NXPH1: variants seen among roughly 807,000 people sequenced by gnomAD.
NXPH1 encodes neurexophilin-1.
In NXPH1, 5 loss-of-function variants were observed where a neutral mutation model predicts 23.7. The ratio of observed to expected loss-of-function variants is 0.21; its 90% CI spans 0.11 to 0.44. The LOEUF (loss-of-function observed/expected upper bound fraction) is 0.44. Ranked by LOEUF, NXPH1 falls within the 20% of genes least tolerant of loss-of-function variation. NXPH1 has a pLI of 0.99. For synonymous variants in NXPH1, 144 were observed against 122.2 expected (o/e 1.18, Z -1.18); for missense variants, 324 against 321.6 (o/e 1.01, Z -0.06).
At chr7:8,445,663 T>C (rs959912676) in intron 2 of NXPH1, among the ~76,000 whole-genome samples, 1 of 152,262 alleles carries the variant, frequency 6.6e-6, no homozygotes, top group African/African-American at 2.4e-5. Flanking sequence ...CTTTTTCATT[T>C]ACAGATTACA....
At chr7:8,672,577 C>CTAAT (rs938567858) in intron 2 of NXPH1, among the ~76,000 whole-genome samples, 1 of 151,680 alleles carries the variant, frequency 6.6e-6, no homozygotes, top group Non-Finnish European at 1.5e-5. Context: ...ACAGTCTTGT[C>CTAAT]TAATTGTTTT....
chr7:8,701,216 A>G (rs1174435439), intron 2 of NXPH1, among the ~76,000 whole-genome samples: 3 of 152,142 alleles, frequency 2.0e-5, no homozygotes, highest in Non-Finnish European at 4.4e-5. Context: ...CTTCAATAAA[A>G]TGTAATTCTA....
At chr7:8,491,815 A>G (rs1276914210) in intron 2 of NXPH1, among the ~76,000 whole-genome samples, 5 of 152,080 alleles carry the variant, frequency 3.3e-5, no homozygotes, top group African/African-American at 4.8e-5. Context: ...CACATTCAGC[A>G]TGCCAAATTT....
intron 2 of NXPH1, among the ~76,000 whole-genome samples, chr7:8,502,614 C>T (rs77559928): frequency 0.066 from 9,956 of 151,798 alleles, 451 homozygotes; most frequent in Middle Eastern, 0.15. Flanking sequence ...GTAAAGAGAA[C>T]TCTGAAGAAT....
Position 8,454,611 on chromosome 7 carries a change from A to T in NXPH1, c.54+18844A>T, listed in dbSNP as rs115354923. Among the ~76,000 whole-genome samples, 457 of 152,250 alleles carry T rather than the reference A, an allele frequency of 3.0e-3. 3 individuals carry two copies. Among genetic ancestry groups the T allele is most frequent in the African/African-American group, 0.01 (435 of 41,552 alleles). On this transcript the variant is annotated intron_variant, in intron 2 of 2. Transcript: ENST00000405863. ...CCATTAGCCACTCTTTCTGGCCCCC[A>T]CCGTATCTTTCCTCCTCTATGATAT...
At chr7:8,682,392 T>A (rs140496880) in intron 2 of NXPH1, among the ~76,000 whole-genome samples, 38 of 152,320 alleles carry the variant, frequency 2.5e-4, no homozygotes, top group African/African-American at 8.7e-4. Context: ...CACAGCTGAT[T>A]TGGGCTATAT....
intron 2 of NXPH1, among the ~76,000 whole-genome samples, chr7:8,467,558 T>C (rs1816805180): frequency 2.0e-5 from 3 of 152,188 alleles, no homozygotes; most frequent in Non-Finnish European, 4.4e-5. Context: ...CCTGAGATAG[T>C]AGATATATAA....
intron 2 of NXPH1, among the ~76,000 whole-genome samples, chr7:8,745,270 A>C (rs929932853): frequency 1.3e-5 from 2 of 152,212 alleles, no homozygotes; most frequent in Non-Finnish European, 2.9e-5. Flanking sequence ...ATATGTATAC[A>C]TTGTGGAATG....
intron 2 of NXPH1, among the ~76,000 whole-genome samples, chr7:8,731,934 C>T (rs1279375105): frequency 6.6e-6 from 1 of 152,236 alleles, no homozygotes; most frequent in Non-Finnish European, 1.5e-5. Context: ...GCGCCCCTCC[C>T]CCGGCCTTGC....
At chr7:8,644,253 G>T (rs901276500) in intron 2 of NXPH1, among the ~76,000 whole-genome samples, 4 of 152,172 alleles carry the variant, frequency 2.6e-5, no homozygotes, top group Non-Finnish European at 5.9e-5. Flanking sequence ...TTTTGGTCTG[G>T]GAGAAGGAGG....
intron 2 of NXPH1, among the ~76,000 whole-genome samples, chr7:8,665,608 C>G (rs1376414797): frequency 6.6e-6 from 1 of 151,874 alleles, no homozygotes; most frequent in African/African-American, 2.4e-5. Flanking sequence ...TAACTCTGGG[C>G]TGTATGAACA....
chr7:8,506,993 T>G (rs75467823), intron 2 of NXPH1, among the ~76,000 whole-genome samples: 11,624 of 149,648 alleles, frequency 0.078, 1,091 homozygotes, highest in East Asian at 0.21. Context: ...GCATGTCAAG[T>G]GCCCACCCCG....
In NXPH1 at chr7:8,596,139, T is replaced by C. The variant is rs1486674337; in HGVS notation, c.55-154869T>C. Among the ~76,000 whole-genome samples, 5 of 152,084 alleles carry C rather than the reference T, an allele frequency of 3.3e-5. No homozygotes were observed. In the East Asian group the frequency reaches 9.6e-4, roughly 29 times the overall value. On this transcript the variant is annotated intron_variant, in intron 2 of 2. Transcript: ENST00000405863. ...TCAATTTTTATACTTATAAAATTAG[T>C]TAAGGTTGAGGACTATTGAAGTCCT... is the stretch of plus-strand genomic sequence containing the variant.
intron 2 of NXPH1, among the ~76,000 whole-genome samples, chr7:8,607,726 T>C (rs1034137928): frequency 2.6e-5 from 4 of 152,200 alleles, no homozygotes; most frequent in Admixed American, 2.6e-4. Context: ...GGCTATGCCT[T>C]TATGGGATAC....
At chr7:8,540,970 A>G (rs533586195) in intron 2 of NXPH1, among the ~76,000 whole-genome samples, 2 of 151,934 alleles carry the variant, frequency 1.3e-5, no homozygotes, top group Non-Finnish European at 1.5e-5. Context: ...AAGCTTAAGT[A>G]TATTTATTGA....
chr7:8,751,570 A>G lies in NXPH1; in HGVS notation c.617A>G (p.Lys206Arg). Residue 206 changes from lysine to arginine, a missense_variant, in exon 3 of 3, where the codon AAG becomes AGG. Lys to Arg is a conservative substitution (Grantham distance 26). Coordinates refer to ENST00000405863, the MANE Select transcript of NXPH1 (RefSeq NM_152745.3). The surrounding 1 kb of genome is among the most constrained non-coding windows in gnomAD (Gnocchi z 4.5). Reference sequence around the variant, plus strand: ...TATGAAAAGGTTGACAAGGCTACCAAGAACACACTCTGCAACTATGACCCT... The same window carrying G: ...TATGAAAAGGTTGACAAGGCTACCAGGAACACACTCTGCAACTATGACCCT... ...IEYEKVDKAT[K>R]NTLCNYDPSK... 1 of 1,613,558 alleles carries G rather than the reference A, an allele frequency of 6.2e-7. No homozygotes were observed. Among genetic ancestry groups the G allele is most frequent in the Non-Finnish European group, 8.5e-7 (1 of 1,179,740 alleles).
intron 2 of NXPH1, among the ~76,000 whole-genome samples, chr7:8,567,332 T>C (rs1818563950): frequency 6.6e-6 from 1 of 151,942 alleles, no homozygotes; most frequent in Non-Finnish European, 1.5e-5. Context: ...GCGCCTCTGG[T>C]CAAATCATTT....
chr7:8,468,142 A>C (rs2128607870), intron 2 of NXPH1, among the ~76,000 whole-genome samples: 1 of 152,274 alleles, frequency 6.6e-6, no homozygotes, highest in East Asian at 1.9e-4. Flanking sequence ...AGCAGGCTAT[A>C]GAATAAATAA....
Position 8,748,343 on chromosome 7 carries a change from G to A in NXPH1, c.55-2665G>A, listed in dbSNP as rs542271177. 6.6e-5 allele frequency among the ~76,000 whole-genome samples: 10 copies of A among 152,260 alleles called. No homozygotes were observed. The South Asian group carries it at 1.5e-3, about 22-fold the overall frequency. On this transcript the variant is annotated intron_variant, in intron 2 of 2. Transcript: ENST00000405863. The stretch of plus-strand genomic sequence containing the variant: ...AGGGTTGAGCAAAAGTGAAAGGGAA[G>A]TACTTACAACTAAAAAAAAGTTGGC...
Sources: gnomAD v4.1 joint callset for allele counts (sites outside exome capture counted in the v4.1 genomes callset) on GRCh38, gnomAD v4.1.1 for gene constraint, Gnocchi (gnomAD v3.1) non-coding constraint, MANE v1.5 for transcripts, NCBI Gene and HGNC (gene_info 2026-07-23, HGNC 2026-07-21) for gene names.